Variants in SOX5 observed in about 807,000 individuals in gnomAD.
SOX5 encodes transcription factor SOX-5.
A neutral mutation model predicts 92.0 loss-of-function variants in SOX5; 9 were observed. The ratio of observed to expected loss-of-function variants is 0.10; its 90% CI spans 0.06 to 0.17. The LOEUF (loss-of-function observed/expected upper bound fraction) is 0.17. SOX5 is among the 10% of genes least tolerant of loss of function. SOX5 has a pLI of 1.00. For missense variants in SOX5, 642 were observed against 944.5 expected, an observed-to-expected ratio of 0.68 and a Z score of 4.20; for synonymous variants, 344 against 336.3, an observed-to-expected ratio of 1.02 and a Z score of -0.25.
chr12:23,976,406 CAA>C (rs869250917), intron 4 of SOX5, among the ~76,000 whole-genome samples: 22 of 37,886 alleles, frequency 5.8e-4, no homozygotes, highest in Middle Eastern at 0.025. Flanking sequence ...AACAAAAAAA[CAA>C]AAAAAAAAAA....
At chr12:24,072,618 C>T (rs1941947019) in intron 4 of SOX5, among the ~76,000 whole-genome samples, 1 of 152,176 alleles carries the variant, frequency 6.6e-6, no homozygotes, top group African/African-American at 2.4e-5. Context: ...AGCAATGTGG[C>T]CATAACTACT....
intron 3 of SOX5, among the ~76,000 whole-genome samples, chr12:23,772,575 ATAAT>A (rs2094968039): frequency 6.6e-6 from 1 of 152,198 alleles, no homozygotes; most frequent in African/African-American, 2.4e-5. Context: ...GAGCTAAATG[ATAAT>A]TAACCTTTAA....
chr12:23,693,433 T>G (rs986338310), intron 6 of SOX5, among the ~76,000 whole-genome samples: 1 of 152,168 alleles, frequency 6.6e-6, no homozygotes, highest in Non-Finnish European at 1.5e-5. Context: ...CCTGGTTTTA[T>G]TTTTAATTAA....
chr12:24,307,467 AAGGAAGGAAGG>A lies in SOX5; in HGVS notation c.-173-30166_-173-30156del, dbSNP rs1565873762. The stretch of plus-strand genomic sequence containing the variant: ...ATAGCTGGAAAGGAAGGAAGGAAGG[AAGGAAGGAAGG>A]AAGGAAGGAAGGAAGGAAGGAAGGA... On this transcript the variant is annotated intron_variant, in intron 2 of 4. Coordinates refer to the SOX5 transcript ENST00000446891. 2.9e-3 allele frequency among the ~76,000 whole-genome samples: 56 copies of A among 19,544 alleles called. 1 individual carries two copies. In the East Asian group the frequency reaches 0.092, roughly 32 times the overall value. The allele number at this position is 19,544 out of a possible 152,430, so 12.8% of individuals were successfully genotyped here.
At position 24,245,434 on chromosome 12, in the gene SOX5, A is replaced by G. The variant is rs558490295; in HGVS notation, c.-77+31782T>C. Among the ~76,000 whole-genome samples the G allele has an allele frequency of 3.9e-5, 6 of 152,348 alleles. No individual in the cohort carries two copies. The South Asian group carries it at 1.2e-3, about 32-fold the overall frequency. On this transcript the variant is annotated intron_variant, in intron 3 of 4. Transcript: ENST00000446891. ...AAAGAAACTAAGGCAACACACTTTA[A>G]AAAACTTATAAACTGGACAACCTGA... is the stretch of plus-strand genomic sequence containing the variant.
At chr12:24,296,252 T>C (rs1048280238) in intron 2 of SOX5, among the ~76,000 whole-genome samples, 27 of 152,342 alleles carry the variant, frequency 1.8e-4, no homozygotes, top group Admixed American at 4.6e-4. Flanking sequence ...TGCCTCATCA[T>C]TTCTCATGAA....
intron 6 of SOX5, among the ~76,000 whole-genome samples, chr12:23,729,033 CT>C (rs780984662): frequency 2.0e-3 from 291 of 143,918 alleles, no homozygotes; most frequent in Middle Eastern, 7.4e-3. Context: ...AAAGTATATT[CT>C]TTTTTTTTTT....
intron 1 of SOX5, among the ~76,000 whole-genome samples, chr12:24,463,488 T>C (rs1943874336): frequency 6.6e-6 from 1 of 152,180 alleles, no homozygotes; most frequent in Non-Finnish European, 1.5e-5. Flanking sequence ...ATAACTGAAA[T>C]ACAGTTTGAC....
intron 2 of SOX5, among the ~76,000 whole-genome samples, chr12:23,859,641 A>G (rs1389277192): frequency 6.6e-6 from 1 of 151,728 alleles, no homozygotes; most frequent in Non-Finnish European, 1.5e-5. Context: ...CCTGTGACCT[A>G]CTCTGTATTC....
At chr12:23,998,932 TAAAC>T (rs1441579594) in intron 4 of SOX5, among the ~76,000 whole-genome samples, 1 of 149,988 alleles carries the variant, frequency 6.7e-6, no homozygotes, top group Non-Finnish European at 1.5e-5. Context: ...ACAAGTATGA[TAAAC>T]AAAAGAAATC....
At chr12:23,832,474 A>G (rs1188053156) in intron 3 of SOX5, among the ~76,000 whole-genome samples, 1 of 151,988 alleles carries the variant, frequency 6.6e-6, no homozygotes, top group Non-Finnish European at 1.5e-5. Context: ...TTTTAACTAC[A>G]TAATATTAAA....
intron 3 of SOX5, among the ~76,000 whole-genome samples, chr12:24,271,870 A>G (rs1943790003): frequency 3.9e-5 from 6 of 152,156 alleles, no homozygotes; most frequent in Admixed American, 2.6e-4. Context: ...GGAGCTCAAT[A>G]AAATCTGTAG....
chr12:23,658,828 G>C (rs60449712), intron 7 of SOX5, among the ~76,000 whole-genome samples: 4,242 of 152,300 alleles, frequency 0.028, 193 homozygotes, highest in African/African-American at 0.096. Flanking sequence ...AGGAGGCGGA[G>C]CTTGCAGTGA....
intron 4 of SOX5, among the ~76,000 whole-genome samples, chr12:24,201,570 T>C (rs986796087): frequency 7.9e-5 from 12 of 152,214 alleles, no homozygotes; most frequent in Non-Finnish European, 1.0e-4. Context: ...CTTGTAACTA[T>C]TTTGAACACA....
intron 1 of SOX5, among the ~76,000 whole-genome samples, chr12:24,467,410 G>C (rs1214817079): frequency 6.6e-6 from 1 of 152,128 alleles, no homozygotes; most frequent in Non-Finnish European, 1.5e-5. Flanking sequence ...ATGACTTCCT[G>C]GAAAATATGT....
Position 23,534,355 on chromosome 12 carries a change from T to C in SOX5, c.2156A>G (p.Glu719Gly). ...IQSTYGVKGE[E>G]PHIKEEIQAE... ...CTGTATCTCTTCTTTGATATGTGGC[T>C]CCTCTCCTTTCACACCGTAAGTGCT... Residue 719 changes from glutamate to glycine, a missense_variant, in exon 15 of 15, where the codon GAG (glutamate) becomes GGG (glycine). By Grantham distance (98) the Glu-to-Gly change is moderately conservative (BLOSUM62 -2). Around this residue, in one of 8 missense-constraint regions of SOX5, gnomAD observed 130 missense variants for 140.6 expected, o/e 0.92. Transcript: ENST00000451604. 1.2e-6 allele frequency: 2 copies of C among 1,614,152 alleles called. No homozygotes were observed. The highest frequency in any genetic ancestry group is 1.1e-5 in the South Asian group (1 of 91,084).
chr12:24,424,817 G>T (rs1303356943), intron 1 of SOX5, among the ~76,000 whole-genome samples: 1 of 150,082 alleles, frequency 6.7e-6, no homozygotes, highest in African/African-American at 2.5e-5. Context: ...TTGGGGGGGG[G>T]GGATGGCTGT....
rs187401961 is a variant in SOX5, at chr12:23,705,345, G to A, written c.810+29339C>T. On this transcript the variant is annotated intron_variant, in intron 6 of 14. Coordinates refer to ENST00000451604, the MANE Select transcript of SOX5 (RefSeq NM_006940.6). ...TCTTCTCACTAAACATCTGTTTAAGGTCTGTGTGATCTACCTGTCAGCACT... is the reference window on the plus strand; with the variant it reads ...TCTTCTCACTAAACATCTGTTTAAGATCTGTGTGATCTACCTGTCAGCACT... 1.2e-3 allele frequency among the ~76,000 whole-genome samples: 184 copies of A among 152,096 alleles called. 3 individuals carry two copies. Among genetic ancestry groups the A allele is most frequent in the Admixed American group, 6.7e-3 (102 of 15,230 alleles).
chr12:24,550,360 T>G (rs907488507), intron 1 of SOX5, among the ~76,000 whole-genome samples: 4 of 152,202 alleles, frequency 2.6e-5, no homozygotes, highest in Non-Finnish European at 5.9e-5. Flanking sequence ...CTGTCCTGGC[T>G]TCTGCTGGAT....
Sources: allele counts gnomAD v4.1 joint callset (sites outside exome capture counted in the v4.1 genomes callset), GRCh38; gene constraint gnomAD v4.1.1; regional missense constraint gnomAD v4.1.1; transcripts MANE v1.5; gene names NCBI Gene and HGNC (gene_info 2026-07-23, HGNC 2026-07-21).